Variants in ZRANB3 observed in about 807,000 individuals in gnomAD.
ZRANB3 encodes DNA annealing helicase and endonuclease ZRANB3.
ZRANB3 carries 125 observed loss-of-function variants against 133.8 expected under a neutral mutation model. The observed-to-expected ratio is 0.93, with a 90% CI of 0.81 to 1.08. The LOEUF is 1.08. ZRANB3 is among the 50% of genes least tolerant of loss of function. ZRANB3 has a pLI of 0.00. For synonymous variants in ZRANB3, 387 were observed against 432.7 expected (o/e 0.89, Z 1.31); for missense variants, 1,229 against 1,275.5 (o/e 0.96, Z 0.56).
chr2:135,286,700 A>C (rs997666819), intron 8 of ZRANB3, among the ~76,000 whole-genome samples: 1 of 151,892 alleles, frequency 6.6e-6, no homozygotes, highest in Non-Finnish European at 1.5e-5. Flanking sequence ...TTTTTTGGCC[A>C]TTTGCATATC....
chr2:135,307,193 A>C (rs1297629853), intron 8 of ZRANB3, among the ~76,000 whole-genome samples: 1 of 152,060 alleles, frequency 6.6e-6, no homozygotes, highest in African/African-American at 2.4e-5. Flanking sequence ...CAACCTCCTG[A>C]GTAGTGGGAC....
chr2:135,411,341 G>A (rs1478481264), intron 2 of ZRANB3, among the ~76,000 whole-genome samples: 2 of 152,110 alleles, frequency 1.3e-5, no homozygotes, highest in Admixed American at 6.5e-5. Flanking sequence ...GTTCAACCCC[G>A]ATGGAAAGCA....
At chr2:135,282,065 T>C (rs183648266) in intron 8 of ZRANB3, among the ~76,000 whole-genome samples, 2 of 152,350 alleles carry the variant, frequency 1.3e-5, no homozygotes, top group East Asian at 1.9e-4. Context: ...TAATATTCCA[T>C]TGTATGAATA....
chr2:135,428,637 G>A (rs770313397), intron 2 of ZRANB3, among the ~76,000 whole-genome samples: 8 of 152,074 alleles, frequency 5.3e-5, no homozygotes, highest in Non-Finnish European at 8.8e-5. Context: ...GAGTCTGTAA[G>A]AAACTTAAAC....
chr2:135,366,784 C>G (rs567762256), intron 3 of ZRANB3, among the ~76,000 whole-genome samples: 1 of 151,804 alleles, frequency 6.6e-6, no homozygotes. Context: ...TTTGGGAGAC[C>G]GAGGTGGGTG....
intron 2 of ZRANB3, among the ~76,000 whole-genome samples, chr2:135,497,918 T>G (rs1216519181): frequency 6.6e-6 from 1 of 151,882 alleles, no homozygotes; most frequent in Non-Finnish European, 1.5e-5. Context: ...CTGGGCATGG[T>G]GGTGTGCACC....
chr2:135,328,900 G>C lies in ZRANB3; in HGVS notation c.678-13370C>G, dbSNP rs529700819. On this transcript the variant is annotated intron_variant, in intron 6 of 20. Coordinates refer to ENST00000264159, the MANE Select transcript of ZRANB3 (RefSeq NM_032143.4). ...CTGTTCATATCCTTTGCCCACTTTT[G>C]GCTGGGGTTGATTTTTTCTTGGAAA... is the stretch of plus-strand genomic sequence containing the variant. Among the ~76,000 whole-genome samples, 277 of 152,064 alleles carry C rather than the reference G, an allele frequency of 1.8e-3. 2 individuals carry two copies. The highest frequency in any genetic ancestry group is 0.014 in the Middle Eastern group (4 of 294).
intron 2 of ZRANB3, among the ~76,000 whole-genome samples, chr2:135,395,593 G>A (rs1021928541): frequency 1.3e-5 from 2 of 151,850 alleles, no homozygotes; most frequent in Admixed American, 6.6e-5. Flanking sequence ...GAGTAGCTAG[G>A]ACAACAGGCG....
chr2:135,380,172 G>C (rs1686622796), intron 3 of ZRANB3, among the ~76,000 whole-genome samples: 1 of 152,132 alleles, frequency 6.6e-6, no homozygotes, highest in Non-Finnish European at 1.5e-5. Context: ...CAAGTTCTCA[G>C]AGACCTACAA....
chr2:135,398,521 C>CTTTTTTTTTTTTT (rs374119156), intron 2 of ZRANB3, among the ~76,000 whole-genome samples: 1 of 123,914 alleles, frequency 8.1e-6, no homozygotes, highest in African/African-American at 3.4e-5. Context: ...TCTTTTGTCA[C>CTTTTTTTTTTTTT]TTTTTTTTTT....
chr2:135,340,508 A>T (rs1203460943), intron 6 of ZRANB3, among the ~76,000 whole-genome samples: 2 of 152,122 alleles, frequency 1.3e-5, no homozygotes, highest in East Asian at 3.8e-4. Flanking sequence ...CTACAAGAAA[A>T]ATATTCTTAT....
chr2:135,244,636 TAAAC>T (rs1287372734), intron 12 of ZRANB3, among the ~76,000 whole-genome samples: 14 of 151,424 alleles, frequency 9.2e-5, no homozygotes, highest in Non-Finnish European at 8.8e-5. Flanking sequence ...AATAAATAAA[TAAAC>T]AAACAAAACA....
At chr2:135,528,110 T>G (rs1694233378) in intron 1 of ZRANB3, among the ~76,000 whole-genome samples, 5 of 152,088 alleles carry the variant, frequency 3.3e-5, no homozygotes, top group African/African-American at 1.2e-4. Context: ...CAACTCAAAT[T>G]TATTTAATAG....
intron 20 of ZRANB3, among the ~76,000 whole-genome samples, chr2:135,201,837 T>C (rs879518396): frequency 6.6e-6 from 1 of 152,174 alleles, no homozygotes; most frequent in Admixed American, 6.5e-5. Flanking sequence ...TGGCACCCAC[T>C]GACCATACCC....
At chr2:135,305,876 T>C (rs544093746) in intron 8 of ZRANB3, among the ~76,000 whole-genome samples, 2 of 152,176 alleles carry the variant, frequency 1.3e-5, no homozygotes, top group Admixed American at 6.5e-5. Flanking sequence ...GAAAGCTTTT[T>C]TTTTCTTCCT....
intron 12 of ZRANB3, among the ~76,000 whole-genome samples, chr2:135,233,483 T>TA (rs944176550): frequency 2.8e-4 from 43 of 151,992 alleles, no homozygotes; most frequent in African/African-American, 1.0e-3. Context: ...CTCCAAGACA[T>TA]ACAATCGTCA....
At position 135,381,347 on chromosome 2, in the gene ZRANB3, G is replaced by A. The variant is rs575595084; in HGVS notation, c.180+9455C>T. 8.1e-4 allele frequency among the ~76,000 whole-genome samples: 124 copies of A among 152,336 alleles called. 1 individual carries two copies. Among genetic ancestry groups the A allele is most frequent in the African/African-American group, 2.6e-3 (110 of 41,576 alleles). ...GAGGCTTGAGTAGGTAAACAAAGCGGCCTGGAAGCTCGAACAGGGCGGAGC... is the reference window on the plus strand; with the variant it reads ...GAGGCTTGAGTAGGTAAACAAAGCGACCTGGAAGCTCGAACAGGGCGGAGC... On this transcript the variant is annotated intron_variant, in intron 3 of 20. Coordinates refer to ENST00000264159, the MANE Select transcript of ZRANB3 (RefSeq NM_032143.4).
intron 2 of ZRANB3, among the ~76,000 whole-genome samples, chr2:135,480,424 G>A (rs4954259): frequency 0.11 from 15,960 of 151,982 alleles, 1,099 homozygotes; most frequent in South Asian, 0.32. Context: ...AGGATTATAA[G>A]ACAACAAAAA....
chr2:135,310,484 C>T (rs534841001), intron 8 of ZRANB3, among the ~76,000 whole-genome samples: 3 of 152,080 alleles, frequency 2.0e-5, no homozygotes, highest in South Asian at 2.1e-4. Flanking sequence ...AGAACTGCTA[C>T]CTTTATTTTG....
Sources: allele counts gnomAD v4.1 joint callset (sites outside exome capture counted in the v4.1 genomes callset), GRCh38; gene constraint gnomAD v4.1.1; transcripts MANE v1.5; gene names NCBI Gene and HGNC (gene_info 2026-07-23, HGNC 2026-07-21).